The following NTM variants were observed in gnomAD, a reference collection of about 807,000 sequenced individuals.
NTM encodes the protein IgLON family member 2.
Under a neutral mutation model 42.1 loss-of-function variants are expected in NTM, and 13 were observed. The ratio of observed to expected loss-of-function variants is 0.31; its 90% CI spans 0.20 to 0.49. NTM has a LOEUF of 0.49. Among genes scored for constraint, NTM ranks in the 20% least tolerant of loss-of-function variants. The pLI is 0.99. For missense variants in NTM, 373 were observed against 452.8 expected (o/e 0.82, Z 1.60); for synonymous variants, 187 against 179.2 (o/e 1.04, Z -0.35).
intron 2 of NTM, among the ~76,000 whole-genome samples, chr11:131,931,951 G>A (rs893787554): frequency 3.9e-5 from 6 of 152,216 alleles, no homozygotes; most frequent in Admixed American, 3.9e-4. Flanking sequence ...GTTGTGCGTG[G>A]CCTTCACGAG....
intron 2 of NTM, among the ~76,000 whole-genome samples, chr11:132,022,933 A>G (rs1260784843): frequency 6.6e-6 from 1 of 152,146 alleles, no homozygotes; most frequent in Non-Finnish European, 1.5e-5. Context: ...TATCCTTCCT[A>G]TTAATGTGAT....
chr11:131,508,659 G>A (rs1267151050), intron 1 of NTM, among the ~76,000 whole-genome samples: 1 of 150,780 alleles, frequency 6.6e-6, no homozygotes, highest in Non-Finnish European at 1.5e-5. Flanking sequence ...TGATAGACTG[G>A]ATGAAGAAAA....
intron 4 of NTM, among the ~76,000 whole-genome samples, chr11:132,232,306 A>C (rs1566536691): frequency 6.8e-6 from 1 of 147,700 alleles, no homozygotes; most frequent in African/African-American, 2.7e-5. Flanking sequence ...ATTAGGGGAA[A>C]AGAGGAGGAG....
intron 2 of NTM, among the ~76,000 whole-genome samples, chr11:132,085,300 T>G (rs1435506589): frequency 2.0e-5 from 3 of 152,344 alleles, no homozygotes; most frequent in African/African-American, 7.2e-5. Flanking sequence ...TTTTTAACTT[T>G]AACATAAAAT....
At chr11:132,279,645 C>T (rs2093890190) in intron 4 of NTM, among the ~76,000 whole-genome samples, 1 of 152,214 alleles carries the variant, frequency 6.6e-6, no homozygotes, top group African/African-American at 2.4e-5. Flanking sequence ...CGCCATTGAT[C>T]TTCCAGGCCT....
At chr11:131,498,598 C>G (rs1955598724) in intron 1 of NTM, among the ~76,000 whole-genome samples, 1 of 152,050 alleles carries the variant, frequency 6.6e-6, no homozygotes, top group African/African-American at 2.4e-5. Context: ...CTGCTCTTTC[C>G]CTCTGATCTT....
intron 2 of NTM, among the ~76,000 whole-genome samples, chr11:132,091,729 G>C (rs898311052): frequency 6.6e-6 from 1 of 152,038 alleles, no homozygotes; most frequent in Non-Finnish European, 1.5e-5. Context: ...CAGTCCTCCT[G>C]CCTCAGCCTC....
chr11:132,225,005 G>T (rs1592339882), intron 4 of NTM, among the ~76,000 whole-genome samples: 1 of 152,280 alleles, frequency 6.6e-6, no homozygotes. Context: ...ATGTGGGTTA[G>T]CTCTCTTTTC....
At chr11:132,295,423 C>G (rs983709527) in intron 4 of NTM, among the ~76,000 whole-genome samples, 1 of 152,160 alleles carries the variant, frequency 6.6e-6, no homozygotes, top group Non-Finnish European at 1.5e-5. Context: ...AGAGTCACTG[C>G]TCTCTTGGAA....
At chr11:132,101,133 T>C (rs1457949064) in intron 2 of NTM, among the ~76,000 whole-genome samples, 2 of 152,208 alleles carry the variant, frequency 1.3e-5, no homozygotes, top group African/African-American at 2.4e-5. Flanking sequence ...CCTGAGGCCA[T>C]TGATCAATCT....
intron 2 of NTM, among the ~76,000 whole-genome samples, chr11:131,919,689 A>G (rs1469444363): frequency 6.6e-6 from 1 of 152,176 alleles, no homozygotes; most frequent in African/African-American, 2.4e-5. Context: ...TTAAAATGAG[A>G]TGACACACAC....
At position 131,432,915 on chromosome 11, in the gene NTM, C is replaced by T. The variant is rs544389564; in HGVS notation, c.82+62027C>T. ...GTTTGCCCAGGCTGGAGTGCGGTGG[C>T]GCGATCACAGCTCACTGCAAGCTCC... On this transcript the variant is annotated intron_variant, in intron 1 of 8. Coordinates refer to ENST00000683400, the MANE Select transcript of NTM (RefSeq NM_001352005.2). 3.6e-3 allele frequency among the ~76,000 whole-genome samples: 465 copies of T among 130,260 alleles called. 4 individuals carry two copies. The highest frequency in any genetic ancestry group is 4.3e-3 in the Non-Finnish European group (279 of 64,306). 85.5% of individuals were successfully genotyped at this position (130,260 alleles called of 152,430 possible).
chr11:132,099,999 C>G (rs2061445986), intron 2 of NTM, among the ~76,000 whole-genome samples: 2 of 152,132 alleles, frequency 1.3e-5, no homozygotes, highest in Admixed American at 6.5e-5. Flanking sequence ...CTCACCACCC[C>G]CTAAACTTCT....
chr11:132,148,662 CA>C (rs2071134935), intron 3 of NTM, among the ~76,000 whole-genome samples: 1 of 152,182 alleles, frequency 6.6e-6, no homozygotes, highest in Non-Finnish European at 1.5e-5. Flanking sequence ...CACTCACACA[CA>C]CCCCCACACC....
chr11:131,868,686 CT>C (rs1382090229), intron 1 of NTM, among the ~76,000 whole-genome samples: 26 of 152,312 alleles, frequency 1.7e-4, no homozygotes, highest in Admixed American at 3.9e-4. Context: ...TTATTGTTTT[CT>C]TTTTCAATTT....
At chr11:131,415,321 G>C (rs1354976619) in intron 1 of NTM, among the ~76,000 whole-genome samples, 1 of 152,194 alleles carries the variant, frequency 6.6e-6, no homozygotes, top group Non-Finnish European at 1.5e-5. Context: ...GTGTGCCACA[G>C]CTCTTCCCAG....
At chr11:132,106,033 C>T (rs781628247) in intron 2 of NTM, among the ~76,000 whole-genome samples, 5 of 152,096 alleles carry the variant, frequency 3.3e-5, no homozygotes, top group African/African-American at 7.2e-5. Context: ...TCATGGGCTC[C>T]GTGGCAACCA....
chr11:131,575,599 G>A (rs1007611047), intron 1 of NTM, among the ~76,000 whole-genome samples: 1 of 152,136 alleles, frequency 6.6e-6, no homozygotes, highest in African/African-American at 2.4e-5. Flanking sequence ...GACCGAATGG[G>A]AATCTACCTT....
intron 7 of NTM, 66 bp downstream of exon 7, chr11:132,314,769 A>G (rs757325058): frequency 4.6e-5 from 69 of 1,509,326 alleles, no homozygotes; most frequent in Non-Finnish European, 5.7e-5. Flanking sequence ...GCTGGGTGGG[A>G]GGGCCCCTCA....
Sources: allele counts gnomAD v4.1 joint callset (sites outside exome capture counted in the v4.1 genomes callset), GRCh38; gene constraint gnomAD v4.1.1; transcripts MANE v1.5; gene names NCBI Gene and HGNC (gene_info 2026-07-23, HGNC 2026-07-21).